Variants in SRD5A2 observed in about 807,000 individuals in gnomAD.
SRD5A2 encodes the protein steroid 5 alpha-reductase 2, also known as 3-oxo-5-alpha-steroid 4-dehydrogenase 2.
Under a neutral mutation model 27.4 loss-of-function variants are expected in SRD5A2, and 30 were observed. That is an observed-to-expected ratio of 1.10 (90% CI 0.82 to 1.49). The LOEUF (loss-of-function observed/expected upper bound fraction) is 1.49. Among genes scored for constraint, SRD5A2 ranks in the 40% most tolerant of loss-of-function variants. SRD5A2 has a pLI of 0.00. For synonymous variants in SRD5A2, 141 were observed against 133.6 expected, an observed-to-expected ratio of 1.06 and a Z score of -0.38; for missense variants, 348 against 323.4, an observed-to-expected ratio of 1.08 and a Z score of -0.58.
At chr2:31,632,299 G>A in the SRD5A2 span, among the ~76,000 whole-genome samples, 80 of 152,268 alleles carry the variant, frequency 5.3e-4, no homozygotes, top group South Asian at 2.7e-3. Flanking sequence ...TCTGGAACAC[G>A]GAAAGCCTGG....
At chr2:31,622,330 A>G in the SRD5A2 span, among the ~76,000 whole-genome samples, 2 of 152,050 alleles carry the variant, frequency 1.3e-5, no homozygotes, top group Non-Finnish European at 2.9e-5. Context: ...ATAGTATTCC[A>G]TATTGTATAT....
At chr2:31,582,493 C>A (rs28382987), upstream of SRD5A2, among the ~76,000 whole-genome samples, 21 of 152,230 alleles carry the variant, frequency 1.4e-4, no homozygotes, top group Admixed American at 2.6e-4. Flanking sequence ...TCATACTGAC[C>A]GAAGCATTTT....
chr2:31,616,798 G>C, the SRD5A2 span, among the ~76,000 whole-genome samples: 1 of 152,164 alleles, frequency 6.6e-6, no homozygotes, highest in South Asian at 2.1e-4. Context: ...GGGAAGGCAT[G>C]ATTGGTTTTG....
the SRD5A2 span, among the ~76,000 whole-genome samples, chr2:31,595,565 G>A: frequency 1.3e-5 from 2 of 150,630 alleles, no homozygotes; most frequent in African/African-American, 4.8e-5. Flanking sequence ...GTGAGAAAAA[G>A]TTGCCAAGGG....
In SRD5A2 at chr2:31,523,255, C is replaced by T. The variant is rs527251605; in HGVS notation, c.*2941G>A. The T allele has an allele frequency of 4.1e-4, 88 of 215,738 alleles. No individual in the cohort carries two copies. The highest frequency in any genetic ancestry group is 7.2e-4 in the Non-Finnish European group (77 of 106,912). 13.4% of individuals were successfully genotyped at this position (215,738 alleles called of 1,614,324 possible). ...GCATGAGCCTGGTGCTCCCACGGAG[C>T]GAGGGAAGCCTCACACACAAACAGG... On this transcript the variant is annotated 3_prime_UTR_variant, in exon 5 of 5. Coordinates refer to ENST00000622030, the MANE Select transcript of SRD5A2 (RefSeq NM_000348.4).
intron 1 of SRD5A2, among the ~76,000 whole-genome samples, chr2:31,544,445 T>C (rs1025837433): frequency 2.6e-5 from 4 of 151,866 alleles, no homozygotes; most frequent in Non-Finnish European, 5.9e-5. Context: ...AAACACATTC[T>C]TTAAAAAAAT....
the SRD5A2 span, among the ~76,000 whole-genome samples, chr2:31,614,499 T>C: frequency 6.6e-6 from 1 of 152,224 alleles, no homozygotes; most frequent in African/African-American, 2.4e-5. Flanking sequence ...TGAGTGTCTG[T>C]GGTTTTTCCA....
the SRD5A2 span, among the ~76,000 whole-genome samples, chr2:31,612,843 G>A: frequency 6.6e-6 from 1 of 152,126 alleles, no homozygotes; most frequent in African/African-American, 2.4e-5. Flanking sequence ...GAACAGGATA[G>A]AAAGCCCAGA....
chr2:31,560,655 C>T (rs1157583445), intron 1 of SRD5A2, among the ~76,000 whole-genome samples: 1 of 152,042 alleles, frequency 6.6e-6, no homozygotes, highest in Admixed American at 6.6e-5. Context: ...CTTCTTTTTA[C>T]TGTTGTATCT....
chr2:31,623,772 G>A, the SRD5A2 span, among the ~76,000 whole-genome samples: 7 of 152,044 alleles, frequency 4.6e-5, no homozygotes, highest in Admixed American at 3.9e-4. Flanking sequence ...TTAGAGGTAT[G>A]TTCCTTCAAT....
At chr2:31,533,034 C>T (rs1293453385) in intron 2 of SRD5A2, among the ~76,000 whole-genome samples, 2 of 152,272 alleles carry the variant, frequency 1.3e-5, no homozygotes, top group Non-Finnish European at 2.9e-5. Flanking sequence ...GACACAAATT[C>T]GTACACTTTC....
the SRD5A2 span, among the ~76,000 whole-genome samples, chr2:31,657,398 G>C: frequency 1.3e-5 from 2 of 152,216 alleles, no homozygotes; most frequent in Non-Finnish European, 1.5e-5. Context: ...TACTCTCTTT[G>C]TTTGTTTTAT....
chr2:31,631,799 G>T, the SRD5A2 span, among the ~76,000 whole-genome samples: 3 of 151,982 alleles, frequency 2.0e-5, no homozygotes, highest in African/African-American at 7.2e-5. Flanking sequence ...ACAGAGGAAA[G>T]AGAACAACTC....
At chr2:31,586,546 A>G in the SRD5A2 span, among the ~76,000 whole-genome samples, 1 of 142,070 alleles carries the variant, frequency 7.0e-6, no homozygotes, top group African/African-American at 2.7e-5. Flanking sequence ...GGTGTCTCAG[A>G]ACTGACAGAG....
At chr2:31,542,936 C>T (rs1003386924) in intron 1 of SRD5A2, among the ~76,000 whole-genome samples, 5 of 152,012 alleles carry the variant, frequency 3.3e-5, no homozygotes, top group African/African-American at 1.2e-4. Flanking sequence ...GAACATAAAC[C>T]TCCAAGAAGC....
At chr2:31,574,517 G>C (rs1367758541) in intron 1 of SRD5A2, among the ~76,000 whole-genome samples, 4 of 152,148 alleles carry the variant, frequency 2.6e-5, no homozygotes, top group African/African-American at 9.7e-5. Context: ...AAGTGGTCAC[G>C]ATCTCCAAAG....
At chr2:31,531,284 C>A in intron 3 of SRD5A2, 87 bp downstream of exon 3, 1 of 959,800 alleles carries the variant, frequency 1.0e-6, no homozygotes, top group South Asian at 1.5e-5. Flanking sequence ...CGTGCCCTCA[C>A]TGTCCCCTCT....
upstream of SRD5A2, among the ~76,000 whole-genome samples, chr2:31,585,082 C>A (rs759555029): frequency 6.6e-6 from 1 of 152,212 alleles, no homozygotes; most frequent in African/African-American, 2.4e-5. Flanking sequence ...TCAGCTGATG[C>A]CCACACATAA....
chr2:31,580,749 G>T lies in SRD5A2; in HGVS notation c.152C>A (p.Ala51Asp). 5 of 1,610,240 alleles carry T rather than the reference G, an allele frequency of 3.1e-6. No individual in the cohort carries two copies. Among genetic ancestry groups the T allele is most frequent in the Middle Eastern group, 1.7e-4 (1 of 5,994 alleles). The part of the protein sequence containing the change: ...KPAATRLPAR[A>D]AWFLQELPSF... ...AGGCAGCTCCTGCAGGAACCAGGCGGCGCGGGCTGGCAGGCGGGTAGCCGC... is the reference window on the plus strand; with the variant it reads ...AGGCAGCTCCTGCAGGAACCAGGCGTCGCGGGCTGGCAGGCGGGTAGCCGC... The change falls in exon 1 of 5, where the codon GCC (alanine) becomes GAC (aspartate). Residue 51 changes from alanine to aspartate, a missense_variant. By Grantham distance (126) the Ala-to-Asp change is moderately radical. Transcript: ENST00000622030.
Sources: gnomAD v4.1 joint callset for allele counts (sites outside exome capture counted in the v4.1 genomes callset) on GRCh38, gnomAD v4.1.1 for gene constraint, MANE v1.5 for transcripts, NCBI Gene and HGNC (gene_info 2026-07-23, HGNC 2026-07-21) for gene names.